The following ATP2B4 variants were observed in gnomAD, a reference collection of about 807,000 sequenced individuals.
The protein encoded by ATP2B4 is plasma membrane calcium-transporting ATPase 4.
A neutral mutation model predicts 110.3 loss-of-function variants in ATP2B4; 39 were observed. The observed-to-expected ratio is 0.35, with a 90% CI of 0.27 to 0.46. ATP2B4 has a LOEUF of 0.46. Ranked by LOEUF, ATP2B4 falls within the 20% of genes least tolerant of loss-of-function variation. The pLI, the probability that ATP2B4 is intolerant of heterozygous loss-of-function variation, is 1.00. For synonymous variants in ATP2B4, 538 were observed against 571.7 expected (o/e 0.94, Z 0.84); for missense variants, 1,135 against 1,530.9 (o/e 0.74, Z 4.32).
chr1:203,699,189 A>G (rs1028008283), intron 3 of ATP2B4, among the ~76,000 whole-genome samples: 1 of 152,208 alleles, frequency 6.6e-6, no homozygotes, highest in African/African-American at 2.4e-5. Flanking sequence ...GTTGGGAACC[A>G]TAAGTGTGAC....
At chr1:203,674,637 C>CTTTTTTTTTTT (rs57153257) in intron 1 of ATP2B4, among the ~76,000 whole-genome samples, 1 of 46,266 alleles carries the variant, frequency 2.2e-5, no homozygotes, top group African/African-American at 8.6e-5. Context: ...CCACACCTGG[C>CTTTTTTTTTTT]TTTTTTTTTT....
chr1:203,720,199 G>A (rs1407519752), intron 15 of ATP2B4, among the ~76,000 whole-genome samples: 1 of 152,204 alleles, frequency 6.6e-6, no homozygotes, highest in Non-Finnish European at 1.5e-5. Flanking sequence ...ATGGGCTTAA[G>A]TGAGATACTG....
At chr1:203,724,042 C>A in intron 19 of ATP2B4, 54 bp downstream of exon 19, 1 of 1,470,150 alleles carries the variant, frequency 6.8e-7, no homozygotes, top group Non-Finnish European at 9.3e-7. Context: ...GAACTCCCCT[C>A]CTCTACATGA....
intron 2 of ATP2B4, among the ~76,000 whole-genome samples, chr1:203,689,870 G>A (rs1413373314): frequency 6.6e-6 from 1 of 152,026 alleles, no homozygotes; most frequent in Non-Finnish European, 1.5e-5. Flanking sequence ...TGCAGGGGAG[G>A]GGAAGGGGGC....
intron 6 of ATP2B4, 89 bp from the exon 7 acceptor site, chr1:203,701,955 C>A: frequency 7.1e-7 from 1 of 1,406,408 alleles, no homozygotes; most frequent in Non-Finnish European, 1.0e-6. Context: ...TGCTGTTGTC[C>A]TTCTGGGCTC....
intron 19 of ATP2B4, 87 bp downstream of exon 19, chr1:203,724,075 A>AC (rs1666430907): frequency 9.2e-7 from 1 of 1,090,242 alleles, no homozygotes; most frequent in Non-Finnish European, 1.3e-6. Flanking sequence ...AACGGTGGAG[A>AC]CCCCCCAGCT....
At chr1:203,709,640 T>C (rs994681978) in intron 11 of ATP2B4, 98 bp downstream of exon 11, 46 of 1,553,304 alleles carry the variant, frequency 3.0e-5, no homozygotes, top group Non-Finnish European at 3.8e-5. Flanking sequence ...GAGGGAGCCC[T>C]CCAGCCAGGT....
intron 1 of ATP2B4, 75 bp from the exon 2 acceptor site, chr1:203,682,667 T>C (rs1665050705): frequency 6.5e-6 from 1 of 152,806 alleles, no homozygotes; most frequent in Admixed American, 6.5e-5. Flanking sequence ...TGGGTACCTC[T>C]TGCCCTTGCA....
In ATP2B4 at chr1:203,700,906, G is replaced by C. The variant is rs748391345; in HGVS notation, c.884G>C (p.Gly295Ala). ...TLLGVNEDDE[G>A]EKKKKGKKQG... ...TTGGGGGTCAATGAGGATGACGAAG[G>C]GGAGAAAAAGAAGAAAGGTAAGGGG... The change falls in exon 6 of 21, where the codon GGG becomes GCG. Residue 295 changes from glycine to alanine, a missense_variant. Physicochemically the swap from Gly to Ala is moderately conservative, Grantham distance 60. Coordinates refer to ENST00000357681, the MANE Select transcript of ATP2B4 (RefSeq NM_001684.5). 10 of 1,613,100 alleles carry C rather than the reference G, an allele frequency of 6.2e-6. No homozygotes were observed. The South Asian group carries it at 1.1e-4, about 18-fold the overall frequency.
At position 203,710,951 on chromosome 1, in the gene ATP2B4, C is replaced by CT; in HGVS notation, c.1875dup (p.Val626CysfsTer8). ...AAAGACAGAGATGATATGGTACGCA[C>CT]TGTCATCGAGCCCATGGCCTGTGAT... On this transcript the variant is annotated frameshift_variant, in exon 12 of 21. Transcript: ENST00000357681. LOFTEE classifies it high-confidence loss of function. 6.2e-7 allele frequency: 1 copy of CT among 1,614,178 alleles called. No homozygotes were observed. Among genetic ancestry groups the CT allele is most frequent in the East Asian group, 2.2e-5 (1 of 44,880 alleles).
chr1:203,731,257 A>C (rs1666700281), intron 20 of ATP2B4, among the ~76,000 whole-genome samples: 1 of 152,190 alleles, frequency 6.6e-6, no homozygotes, highest in East Asian at 1.9e-4. Flanking sequence ...TGGATCCAGA[A>C]ACTAGCCCTA....
chr1:203,696,760 G>T (rs1354766654), intron 2 of ATP2B4, among the ~76,000 whole-genome samples: 10 of 152,094 alleles, frequency 6.6e-5, no homozygotes. Flanking sequence ...TATGTATGTG[G>T]TGCATGTTCT....
rs34964110 is a variant in ATP2B4 at position 203,723,420 on chromosome 1, A to ATCTCTCTCTCTCTC, written c.3025-434_3025-421dup. Among the ~76,000 whole-genome samples, 284 of 44,514 alleles carry ATCTCTCTCTCTCTC rather than the reference A, an allele frequency of 6.4e-3. 3 individuals are homozygous for ATCTCTCTCTCTCTC. The highest frequency in any genetic ancestry group is 0.026 in the Middle Eastern group (1 of 38). The allele number at this position is 44,514 out of a possible 152,430, so 29.2% of individuals were successfully genotyped here. On this transcript the variant is annotated intron_variant, in intron 18 of 20. Coordinates refer to ENST00000357681, the MANE Select transcript of ATP2B4 (RefSeq NM_001684.5). ...TTTTTTTTTTTCGTTTGAGACAGAT[A>ATCTCTCTCTCTCTC]TCTCTCTCTCTCTCTCTCTCTCTCT...
intron 8 of ATP2B4, among the ~76,000 whole-genome samples, chr1:203,705,293 T>C (rs1348156864): frequency 1.3e-5 from 2 of 152,218 alleles, no homozygotes; most frequent in East Asian, 1.9e-4. Flanking sequence ...AAACTATACA[T>C]GGATGAGATG....
At chr1:203,652,154 T>C (rs1356248934) in intron 1 of ATP2B4, among the ~76,000 whole-genome samples, 1 of 150,890 alleles carries the variant, frequency 6.6e-6, no homozygotes, top group Admixed American at 6.6e-5. Context: ...CTTTTTTTTT[T>C]TTTTTTCTGA....
chr1:203,675,072 C>T (rs1414459512), intron 1 of ATP2B4, among the ~76,000 whole-genome samples: 1 of 152,104 alleles, frequency 6.6e-6, no homozygotes, highest in Non-Finnish European at 1.5e-5. Context: ...GGGGGACAGC[C>T]GTGCCCTCCC....
At chr1:203,721,718 A>C (rs987242957) in intron 17 of ATP2B4, among the ~76,000 whole-genome samples, 1 of 137,222 alleles carries the variant, frequency 7.3e-6, no homozygotes, top group African/African-American at 2.9e-5. Context: ...GCTGGAGTGC[A>C]GTGGCGCTAA....
At chr1:203,714,326 G>A (rs766453716) in intron 15 of ATP2B4, 49 bp downstream of exon 15, 2 of 1,604,820 alleles carry the variant, frequency 1.2e-6, no homozygotes, top group East Asian at 4.5e-5. Flanking sequence ...TTCTCCATCA[G>A]GAAGCCAGGT....
chr1:203,689,646 T>A (rs1489883530), intron 2 of ATP2B4, among the ~76,000 whole-genome samples: 1 of 152,248 alleles, frequency 6.6e-6, no homozygotes, highest in East Asian at 1.9e-4. Context: ...GGCCTCCAAT[T>A]CTTTTTCAAC....
Sources: gnomAD v4.1 joint callset for allele counts (sites outside exome capture counted in the v4.1 genomes callset) on GRCh38, gnomAD v4.1.1 for gene constraint, MANE v1.5 for transcripts, NCBI Gene and HGNC (gene_info 2026-07-23, HGNC 2026-07-21) for gene names.